CTXND1: variants seen among roughly 807,000 people sequenced by gnomAD.
The protein encoded by CTXND1 is cortexin domain-containing 1 protein.
rs113056853 is a variant in CTXND1, at chr15:80,248,089, C to T, written c.-218+3918G>A. Among the ~76,000 whole-genome samples, 239 of 152,352 alleles carry T rather than the reference C, an allele frequency of 1.6e-3. 2 individuals are homozygous for T. The highest frequency in any genetic ancestry group is 5.2e-3 in the African/African-American group (215 of 41,592). On this transcript the variant is annotated intron_variant, in intron 1 of 2. Coordinates refer to ENST00000560778, the MANE Select transcript of CTXND1 (RefSeq NM_001352888.2). ...GGAGAGGATGCCCTCCCATGCCCTC[C>T]AGGGACCTGAGGCTTGTGGCTCTTC...
chr15:80,238,279 T>C lies in CTXND1; in HGVS notation c.-218+13728A>G, dbSNP rs977491631. The stretch of plus-strand genomic sequence containing the variant: ...CTGCACAGGTGTACCACTTATCTTT[T>C]ATGCCATATTTTTACTGTACCTTTT... On this transcript the variant is annotated intron_variant, in intron 1 of 2. Transcript: ENST00000560778. Among the ~76,000 whole-genome samples, 8 of 152,172 alleles carry C rather than the reference T, an allele frequency of 5.3e-5. No individual in the cohort carries two copies. In the East Asian group the frequency reaches 1.3e-3, roughly 26 times the overall value.
At chr15:80,216,823 C>G (rs1275666076) in intron 1 of CTXND1, among the ~76,000 whole-genome samples, 2 of 152,112 alleles carry the variant, frequency 1.3e-5, no homozygotes, top group African/African-American at 4.8e-5. Context: ...TCATATTGGT[C>G]AGGCTGGTCT....
At chr15:80,251,561 A>T (rs2141469116) in intron 1 of CTXND1, among the ~76,000 whole-genome samples, 1 of 152,312 alleles carries the variant, frequency 6.6e-6, no homozygotes. Context: ...ACTTTGATTC[A>T]GTTTCAACTC....
intron 1 of CTXND1, among the ~76,000 whole-genome samples, chr15:80,235,336 TA>T (rs890703834): frequency 6.6e-6 from 1 of 152,182 alleles, no homozygotes; most frequent in Non-Finnish European, 1.5e-5. Flanking sequence ...TAAGGCCAGC[TA>T]CAGAAGAGAT....
At chr15:80,219,541 T>C (rs1893290518) in intron 1 of CTXND1, among the ~76,000 whole-genome samples, 1 of 152,226 alleles carries the variant, frequency 6.6e-6, no homozygotes, top group Non-Finnish European at 1.5e-5. Flanking sequence ...CTAGGCTATG[T>C]TAATTGGTAT....
chr15:80,220,034 CTTTTA>C (rs1488238049), intron 1 of CTXND1, among the ~76,000 whole-genome samples: 3 of 151,982 alleles, frequency 2.0e-5, no homozygotes, highest in African/African-American at 7.3e-5. Context: ...TTAATCTTTT[CTTTTA>C]TAATTTTTGC....
At chr15:80,251,313 C>T (rs1014062517) in intron 1 of CTXND1, among the ~76,000 whole-genome samples, 1 of 152,208 alleles carries the variant, frequency 6.6e-6, no homozygotes, top group Admixed American at 6.5e-5. Flanking sequence ...TAGGTCTACG[C>T]CTCCACTGAT....
At chr15:80,216,773 C>A (rs1188553312) in intron 1 of CTXND1, among the ~76,000 whole-genome samples, 1 of 152,052 alleles carries the variant, frequency 6.6e-6, no homozygotes, top group Non-Finnish European at 1.5e-5. Context: ...CGCCACCATG[C>A]CCAGCTAATT....
intron 1 of CTXND1, among the ~76,000 whole-genome samples, chr15:80,229,981 T>C (rs974971646): frequency 2.0e-5 from 3 of 152,204 alleles, no homozygotes; most frequent in Non-Finnish European, 2.9e-5. Flanking sequence ...GGTGACAGGA[T>C]AAGCATCTGT....
chr15:80,228,636 C>CTT (rs58443773), intron 1 of CTXND1, among the ~76,000 whole-genome samples: 1 of 139,916 alleles, frequency 7.1e-6, no homozygotes, highest in Non-Finnish European at 1.5e-5. Flanking sequence ...AAATCTGAAA[C>CTT]TTTTTTTTTT....
intron 1 of CTXND1, among the ~76,000 whole-genome samples, chr15:80,240,502 C>T (rs1331996097): frequency 6.6e-6 from 1 of 151,812 alleles, no homozygotes; most frequent in Non-Finnish European, 1.5e-5. Flanking sequence ...TGTGTGCCTG[C>T]CAACACTCCC....
rs981509643 is a variant in CTXND1 at position 80,200,875 on chromosome 15, G to A, written c.*895C>T. The A allele has an allele frequency of 3.3e-5, 5 of 152,182 alleles. No individual in the cohort carries two copies. The highest frequency in any genetic ancestry group is 5.9e-5 in the Non-Finnish European group (4 of 68,044). The allele number at this position is 152,182 out of a possible 1,614,324, so 9.4% of individuals were successfully genotyped here. A position where few individuals can be genotyped will look rare whatever the true frequency, so the allele number is the denominator to read the frequency against. ...AATAATTAAATATGCAACCAAAGGA[G>A]ATGATTTTTTAACCATGACCTACCC... On this transcript the variant is annotated 3_prime_UTR_variant, in exon 3 of 3. Transcript: ENST00000560778.
intron 1 of CTXND1, among the ~76,000 whole-genome samples, chr15:80,217,508 C>T (rs1893265739): frequency 6.7e-6 from 1 of 150,252 alleles, no homozygotes; most frequent in Non-Finnish European, 1.5e-5. Flanking sequence ...TGTCTGTGCT[C>T]TCCAATAGCT....
At chr15:80,234,737 C>T (rs969149211) in intron 1 of CTXND1, among the ~76,000 whole-genome samples, 7 of 152,176 alleles carry the variant, frequency 4.6e-5, no homozygotes, top group African/African-American at 1.7e-4. Context: ...CTTGGCCTCC[C>T]AAATTGCTGG....
At chr15:80,210,106 C>T (rs1893190062) in intron 1 of CTXND1, among the ~76,000 whole-genome samples, 1 of 152,206 alleles carries the variant, frequency 6.6e-6, no homozygotes, top group Non-Finnish European at 1.5e-5. Context: ...TGCCCCTGAT[C>T]ATCTGGTAAT....
rs144207974 is a variant in CTXND1, at chr15:80,247,243, C to T, written c.-218+4764G>A. Among the ~76,000 whole-genome samples, 899 of 152,234 alleles carry T rather than the reference C, an allele frequency of 5.9e-3. 15 individuals carry two copies. Among genetic ancestry groups the T allele is most frequent in the African/African-American group, 0.02 (844 of 41,544 alleles). The stretch of plus-strand genomic sequence containing the variant: ...TAAGGTGTTGATGACTAGATCTCTC[C>T]CTTCCCCATCCTCCCACCACCTTAG... On this transcript the variant is annotated intron_variant, in intron 1 of 2. Transcript: ENST00000560778.
chr15:80,204,647 G>GTA lies in CTXND1; in HGVS notation c.-217-909_-217-908dup, dbSNP rs35359063. Among the ~76,000 whole-genome samples the GTA allele has an allele frequency of 6.5e-3, 857 of 131,314 alleles. 13 individuals carry two copies. The highest frequency in any genetic ancestry group is 0.011 in the Middle Eastern group (3 of 264). 86.1% of individuals were successfully genotyped at this position (131,314 alleles called of 152,430 possible). A position where few individuals can be genotyped will look rare whatever the true frequency, so the allele number is the denominator to read the frequency against. On this transcript the variant is annotated intron_variant, in intron 1 of 2. Coordinates refer to ENST00000560778, the MANE Select transcript of CTXND1 (RefSeq NM_001352888.2). ...TTTAAGGTCCGAATAATATTCCATTGTATATATATATATATATATATATAT... is the reference window on the plus strand; with the variant it reads ...TTTAAGGTCCGAATAATATTCCATTGTATATATATATATATATATATATATAT...
intron 1 of CTXND1, among the ~76,000 whole-genome samples, chr15:80,223,141 C>T (rs559104772): frequency 3.3e-5 from 5 of 152,248 alleles, no homozygotes; most frequent in Admixed American, 6.5e-5. Context: ...TCCAATGGCG[C>T]GCTCTCGGCC....
chr15:80,201,846 C>T lies in CTXND1; in HGVS notation c.104G>A (p.Arg35His), dbSNP rs535905842. The T allele has an allele frequency of 5.5e-5, 22 of 398,774 alleles. No individual in the cohort carries two copies. The highest frequency in any genetic ancestry group is 6.6e-5 in the Non-Finnish European group (15 of 226,170). The allele number at this position is 398,774 out of a possible 1,614,324, so 24.7% of individuals were successfully genotyped here. The change falls in exon 3 of 3, where the codon CGC becomes CAC. Residue 35 changes from arginine to histidine, a missense_variant. Transcript: ENST00000560778. ...LCLFLVVMIIRCAKVIMDPYS... is the reference protein window; with the variant it reads ...LCLFLVVMIIHCAKVIMDPYS... ...AGGGTCCATGATGACCTTGGCACAG[C>T]GGATGATCATCACGACAAGGAAGAG...
Sources: allele counts gnomAD v4.1 joint callset (sites outside exome capture counted in the v4.1 genomes callset), GRCh38; gene constraint gnomAD v4.1.1; transcripts MANE v1.5; gene names NCBI Gene and HGNC (gene_info 2026-07-23, HGNC 2026-07-21).